The following SPATA1 variants were observed in gnomAD, a reference collection of about 807,000 sequenced individuals.
SPATA1 encodes the protein spermatogenesis-associated protein 1.
A neutral mutation model predicts 59.6 loss-of-function variants in SPATA1; 57 were observed. The observed-to-expected ratio is 0.96, with a 90% CI of 0.77 to 1.19. The LOEUF is 1.19. SPATA1 is among the 50% of genes most tolerant of loss of function. The probability of loss-of-function intolerance (pLI) is 0.00; values close to 1 mark genes in which losing one functional copy is unlikely to be tolerated. For missense variants in SPATA1, 448 were observed against 480.7 expected (o/e 0.93, Z 0.64); for synonymous variants, 147 against 163.9 (o/e 0.90, Z 0.79).
downstream of SPATA1, among the ~76,000 whole-genome samples, chr1:84,566,710 G>T (rs1414933324): frequency 1.3e-5 from 2 of 152,170 alleles, no homozygotes; most frequent in African/African-American, 4.8e-5. Context: ...TCAGCTCACT[G>T]CAACCTCTGC....
Position 84,561,769 on chromosome 1 carries a change from T to G in SPATA1, n.443-4092T>G, listed in dbSNP as rs138409043. On this transcript the variant is annotated intron_variant and non_coding_transcript_variant, in intron 4 of 4. Coordinates refer to the SPATA1 transcript ENST00000460286. ...CTCTTCCAGCAAGCAGGTTATAACT[T>G]GATAAAGGCTCAGATGATCGTTATC... is the stretch of plus-strand genomic sequence containing the variant. Among the ~76,000 whole-genome samples, 197 of 152,342 alleles carry G rather than the reference T, an allele frequency of 1.3e-3. 4 individuals are homozygous for G. In the East Asian group the frequency reaches 0.031, roughly 24 times the overall value.
chr1:84,520,704 T>C lies in SPATA1; in HGVS notation c.143+13T>C. 6.7e-7 allele frequency: 1 copy of C among 1,489,810 alleles called. No individual in the cohort carries two copies. Among genetic ancestry groups the C allele is most frequent in the Non-Finnish European group, 9.1e-7 (1 of 1,100,354 alleles). The allele number at this position is 1,489,810 out of a possible 1,614,324, so 92.3% of individuals were successfully genotyped here. On this transcript the variant is annotated intron_variant, in intron 3 of 12. Coordinates refer to ENST00000490879, the Ensembl canonical transcript of SPATA1. ...CTGGATTTCTAAGGCAAGTGTTGTG[T>C]AGTCATGTAACAATATGCCTGAAAG...
intron 1 of SPATA1, among the ~76,000 whole-genome samples, chr1:84,510,702 G>T (rs1682499025): frequency 1.3e-5 from 2 of 152,168 alleles, no homozygotes; most frequent in Admixed American, 1.3e-4. Context: ...CGAGGTATCA[G>T]CACTCCCTTG....
intron 10 of SPATA1, among the ~76,000 whole-genome samples, chr1:84,546,679 G>GTACC (rs374158447): frequency 6.6e-6 from 1 of 151,980 alleles, no homozygotes; most frequent in African/African-American, 2.4e-5. Flanking sequence ...TTACCTTGAG[G>GTACC]TACCCTCTTC....
exon 3 of SPATA1, chr1:84,520,649 C>T (rs762421407): frequency 6.3e-7 from 1 of 1,578,712 alleles, no homozygotes; most frequent in Non-Finnish European, 8.6e-7. Context: ...AATACCATTT[C>T]AACAGAAGTT....
chr1:84,509,038 A>G (rs1682413056), intron 1 of SPATA1, among the ~76,000 whole-genome samples: 1 of 152,166 alleles, frequency 6.6e-6, no homozygotes, highest in African/African-American at 2.4e-5. Context: ...AATACCAATG[A>G]CATTCTTCAC....
chr1:84,528,628 C>T (rs72948498), intron 6 of SPATA1, among the ~76,000 whole-genome samples: 2,498 of 152,162 alleles, frequency 0.016, 68 homozygotes, highest in African/African-American at 0.056. Context: ...GGCTGATGGA[C>T]ATTTGGTTTG....
chr1:84,536,419 T>A (rs969961486), intron 8 of SPATA1, among the ~76,000 whole-genome samples: 5 of 152,192 alleles, frequency 3.3e-5, no homozygotes, highest in African/African-American at 1.2e-4. Context: ...CTTGGGGATA[T>A]AAAAATGTTA....
chr1:84,557,812 C>T (rs1228881986), downstream of SPATA1, among the ~76,000 whole-genome samples: 2 of 150,234 alleles, frequency 1.3e-5, no homozygotes, highest in Non-Finnish European at 3.0e-5. Context: ...GAGCCAAGAT[C>T]GCGCCACTGC....
chr1:84,545,080 G>C (rs1684041235), intron 9 of SPATA1, among the ~76,000 whole-genome samples: 2 of 150,704 alleles, frequency 1.3e-5, no homozygotes, highest in Non-Finnish European at 3.0e-5. Flanking sequence ...AATTAGGCGT[G>C]GTGGCAGCTG....
downstream of SPATA1, among the ~76,000 whole-genome samples, chr1:84,566,572 T>C (rs1684706042): frequency 1.3e-5 from 2 of 152,216 alleles, no homozygotes; most frequent in African/African-American, 4.8e-5. Context: ...CAAGTCAAAA[T>C]GTTGAATAAA....
At chr1:84,558,853 ATTG>A (rs1684528549), downstream of SPATA1, among the ~76,000 whole-genome samples, 1 of 152,032 alleles carries the variant, frequency 6.6e-6, no homozygotes, top group Admixed American at 6.6e-5. Context: ...GTGAGCCATG[ATTG>A]TGCCACTGCA....
chr1:84,562,354 T>C (rs533645733), intron 4 of SPATA1, among the ~76,000 whole-genome samples: 2 of 152,336 alleles, frequency 1.3e-5, no homozygotes, highest in African/African-American at 4.8e-5. Context: ...AATAGGTATA[T>C]ACTTTCAGTT....
chr1:84,509,301 C>G (rs1682431060), intron 1 of SPATA1, among the ~76,000 whole-genome samples: 1 of 151,900 alleles, frequency 6.6e-6, no homozygotes, highest in Admixed American at 6.6e-5. Context: ...ACGAAGGTGC[C>G]AAGAACATAC....
At chr1:84,510,376 C>G (rs1682483878) in intron 1 of SPATA1, among the ~76,000 whole-genome samples, 1 of 152,150 alleles carries the variant, frequency 6.6e-6, no homozygotes, top group Non-Finnish European at 1.5e-5. Flanking sequence ...CAAAAGAAGA[C>G]TTACAAATGG....
chr1:84,550,508 T>C, exon 12 of SPATA1: 1 of 1,554,096 alleles, frequency 6.4e-7, no homozygotes, highest in Non-Finnish European at 8.7e-7. Flanking sequence ...ACTGACAAAA[T>C]GAAACTCATA....
chr1:84,518,809 C>T (rs1682898289), intron 2 of SPATA1, among the ~76,000 whole-genome samples: 1 of 151,756 alleles, frequency 6.6e-6, no homozygotes, highest in Non-Finnish European at 1.5e-5. Flanking sequence ...TCCATGAGAC[C>T]TACCCTGACT....
chr1:84,560,006 C>T (rs1487886335), intron 4 of SPATA1, among the ~76,000 whole-genome samples: 1 of 149,694 alleles, frequency 6.7e-6, no homozygotes, highest in African/African-American at 2.5e-5. Flanking sequence ...ATTGCTTGAA[C>T]CCAGGAGGCA....
At chr1:84,522,453 T>G (rs750367919) in exon 4 of SPATA1, 9 of 1,548,454 alleles carry the variant, frequency 5.8e-6, no homozygotes, top group African/African-American at 2.8e-5. Context: ...TGGGTGAAGA[T>G]GCTATTGCAG....
Sources: gnomAD v4.1 joint callset for allele counts (sites outside exome capture counted in the v4.1 genomes callset) on GRCh38, gnomAD v4.1.1 for gene constraint, MANE v1.5 for transcripts, NCBI Gene and HGNC (gene_info 2026-07-23, HGNC 2026-07-21) for gene names.